Variants in ANKRD36B observed in about 807,000 individuals in gnomAD.
The protein encoded by ANKRD36B is ankyrin repeat domain 36B.
In ANKRD36B, 37 loss-of-function variants were observed where a neutral mutation model predicts 135.7. The ratio of observed to expected loss-of-function variants is 0.27; its 90% confidence interval spans 0.21 to 0.36. ANKRD36B has a LOEUF of 0.36. ANKRD36B is among the 10% of genes least tolerant of loss of function. The pLI is 1.00. For missense variants in ANKRD36B, 549 were observed against 1,037.1 expected, an observed-to-expected ratio of 0.53 and a Z score of 6.46; for synonymous variants, 179 against 348.1, an observed-to-expected ratio of 0.51 and a Z score of 5.41.
chr2:97,527,941 C>T (rs2078312552), intron 35 of ANKRD36B, among the ~76,000 whole-genome samples: 1 of 95,814 alleles, frequency 1.0e-5, no homozygotes, highest in South Asian at 2.4e-4. Context: ...TAGACTCCCA[C>T]ACAATAATAA....
chr2:97,549,565 T>C, intron 19 of ANKRD36B, 21 bp downstream of exon 19: 2 of 1,609,042 alleles, frequency 1.2e-6, no homozygotes, highest in South Asian at 1.1e-5. Flanking sequence ...TAGTTCACAA[T>C]ATAAATGAGA....
rs1328024702 is a variant in ANKRD36B, at chr2:97,585,365, T to C, written c.195A>G (p.Gln65=). The C allele has an allele frequency of 8.3e-6, 13 of 1,571,528 alleles. No individual in the cohort carries two copies. The Admixed American group carries it at 1.6e-4, about 20-fold the overall frequency. ...TALHLACATG[Q]PEMVHLLVSR... ...ACACCAGGAGATGTACCATTTCCGG[T>C]TGGCCAGTGGCACAGGCCAAATGTA... Residue 65 remains glutamine, a synonymous_variant, in exon 2 of 44, where the codon CAA becomes CAG. Coordinates refer to ENST00000359901, the MANE Select transcript of ANKRD36B (RefSeq NM_001393939.1).
rs1576828310 is a variant in ANKRD36B, at chr2:97,528,060, A to C, written c.2265+4251T>G. Among the ~76,000 whole-genome samples the C allele has an allele frequency of 2.1e-5, 2 of 96,034 alleles. 1 individual carries two copies. The highest frequency in any genetic ancestry group is 5.5e-5 in the Non-Finnish European group (2 of 36,158). The allele number at this position is 96,034 out of a possible 152,430, so 63.0% of individuals were successfully genotyped here. ...ACTCTGCACCAAGTGGACCTAATAG[A>C]CATCTACAGAACTCTCCACCCCAAA... On this transcript the variant is annotated intron_variant, in intron 35 of 43. Transcript: ENST00000359901.
At chr2:97,550,988 T>G (rs2080001012) in intron 18 of ANKRD36B, among the ~76,000 whole-genome samples, 1 of 151,918 alleles carries the variant, frequency 6.6e-6, no homozygotes, top group Admixed American at 6.6e-5. Context: ...CTTACACCCT[T>G]AATGAAAAGA....
At chr2:97,579,597 T>A (rs1339921897) in intron 4 of ANKRD36B, among the ~76,000 whole-genome samples, 1 of 142,618 alleles carries the variant, frequency 7.0e-6, no homozygotes, top group East Asian at 2.0e-4. Flanking sequence ...CACATATATA[T>A]AAAATATATA....
At chr2:97,586,038 T>C (rs1329086831) in intron 1 of ANKRD36B, among the ~76,000 whole-genome samples, 1 of 152,206 alleles carries the variant, frequency 6.6e-6, no homozygotes, top group East Asian at 1.9e-4. Context: ...CTTATCGATA[T>C]ATAAAGTAAT....
chr2:97,506,637 TTAAC>T (rs1478512018), intron 43 of ANKRD36B, among the ~76,000 whole-genome samples: 2 of 90,892 alleles, frequency 2.2e-5, no homozygotes, highest in African/African-American at 5.1e-5. Flanking sequence ...CTGTAATTGC[TTAAC>T]TAATTATTAT....
chr2:97,530,027 C>G (rs2078480297), intron 35 of ANKRD36B, among the ~76,000 whole-genome samples: 1 of 96,168 alleles, frequency 1.0e-5, no homozygotes, highest in African/African-American at 3.1e-5. Context: ...CTCCCAATGA[C>G]TTTCTTCACT....
intron 1 of ANKRD36B, 56 bp from the exon 2 acceptor site, chr2:97,585,454 T>C: frequency 1.3e-6 from 2 of 1,520,510 alleles, no homozygotes; most frequent in Non-Finnish European, 8.8e-7. Flanking sequence ...AATTAGCATG[T>C]TATTTCTCTG....
chr2:97,562,027 A>T (rs1351467095), intron 6 of ANKRD36B, among the ~76,000 whole-genome samples: 8 of 151,960 alleles, frequency 5.3e-5, no homozygotes, highest in South Asian at 2.1e-4. Context: ...GTTATAATTT[A>T]AAAAATCATT....
At chr2:97,571,881 C>T (rs1311062160) in intron 6 of ANKRD36B, among the ~76,000 whole-genome samples, 1 of 152,050 alleles carries the variant, frequency 6.6e-6, no homozygotes, top group Admixed American at 6.6e-5. Context: ...AAGTCAAAAA[C>T]TGCATTTAAA....
intron 6 of ANKRD36B, 136 bp downstream of exon 6, chr2:97,576,243 C>T (rs1016096150): frequency 6.6e-5 from 16 of 241,006 alleles, no homozygotes; most frequent in African/African-American, 3.7e-4. Context: ...ATTATAAAAT[C>T]TAGACTACTA....
At chr2:97,581,860 T>C (rs1301819767) in intron 3 of ANKRD36B, among the ~76,000 whole-genome samples, 1 of 152,128 alleles carries the variant, frequency 6.6e-6, no homozygotes, top group African/African-American at 2.4e-5. Flanking sequence ...TGGAGTGCAG[T>C]GGTGCCATCT....
rs1170201850 is a variant in ANKRD36B at position 97,526,156 on chromosome 2, A to G, written c.2266-2689T>C. ...GCAGCCTAACTGGGAGGCACCCCCCAGTAGGGGCAGACTGAACCTCACATG... is the reference window on the plus strand; with the variant it reads ...GCAGCCTAACTGGGAGGCACCCCCCGGTAGGGGCAGACTGAACCTCACATG... On this transcript the variant is annotated intron_variant, in intron 35 of 43. Coordinates refer to ENST00000359901, the MANE Select transcript of ANKRD36B (RefSeq NM_001393939.1). 1.3e-4 allele frequency among the ~76,000 whole-genome samples: 8 copies of G among 62,320 alleles called. 2 individuals carry two copies. The highest frequency in any genetic ancestry group is 8.8e-4 in the African/African-American group (8 of 9,044). The allele number at this position is 62,320 out of a possible 152,430, so 40.9% of individuals were successfully genotyped here.
chr2:97,549,707 C>T, intron 18 of ANKRD36B, 93 bp from the exon 19 acceptor site: 1 of 1,587,330 alleles, frequency 6.3e-7, no homozygotes, highest in Non-Finnish European at 8.6e-7. Flanking sequence ...CTCTGTCCTC[C>T]TGCCTGTATT....
At chr2:97,574,977 C>T (rs1193678490) in intron 6 of ANKRD36B, among the ~76,000 whole-genome samples, 1 of 152,046 alleles carries the variant, frequency 6.6e-6, no homozygotes, top group African/African-American at 2.4e-5. Context: ...ACATACCAAT[C>T]ACATCAATAG....
intron 22 of ANKRD36B, chr2:97,547,305 C>A (rs2079558711): frequency 2.0e-6 from 1 of 506,890 alleles, no homozygotes; most frequent in East Asian, 3.8e-5. Flanking sequence ...GAACTGCTCA[C>A]CATATTTCTT....
intron 20 of ANKRD36B, among the ~76,000 whole-genome samples, chr2:97,549,100 C>T (rs1364499364): frequency 6.6e-6 from 1 of 151,868 alleles, no homozygotes; most frequent in Admixed American, 6.6e-5. Flanking sequence ...CTCCTTCCAC[C>T]CTTACTGAAA....
At chr2:97,531,734 T>C (rs1431744515) in intron 35 of ANKRD36B, among the ~76,000 whole-genome samples, 1 of 96,504 alleles carries the variant, frequency 1.0e-5, no homozygotes, top group African/African-American at 3.1e-5. Context: ...TTGAAATTCA[T>C]TAGGCAGTTA....
Sources: allele counts gnomAD v4.1 joint callset (sites outside exome capture counted in the v4.1 genomes callset), GRCh38; gene constraint gnomAD v4.1.1; transcripts MANE v1.5; gene names NCBI Gene and HGNC (gene_info 2026-07-23, HGNC 2026-07-21).